Variants in FGF13 observed in about 807,000 individuals in gnomAD.
FGF13 encodes fibroblast growth factor homologous factor 2.
Under a neutral mutation model 19.5 loss-of-function variants are expected in FGF13, and 2 were observed. That is an observed-to-expected ratio of 0.10 (90% CI 0.04 to 0.32). The LOEUF is 0.32. FGF13 is among the 10% of genes least tolerant of loss of function. The pLI, the probability that FGF13 is intolerant of heterozygous loss-of-function variation, is 1.00. For synonymous variants in FGF13, 72 were observed against 76.9 expected, an observed-to-expected ratio of 0.94 and a Z score of 0.33; for missense variants, 113 against 192.7, an observed-to-expected ratio of 0.59 and a Z score of 2.45.
At chrX:138,901,686 G>A (rs1019866509) in intron 1 of FGF13, among the ~76,000 whole-genome samples, 1 of 111,552 alleles carries the variant, frequency 9.0e-6, no homozygotes, top group African/African-American at 3.3e-5. Context: ...AAGTACTGAG[G>A]TTGTTGGTGG....
In FGF13 at chrX:138,852,030, C is replaced by T. The variant is rs189411317; in HGVS notation, c.217+5482G>A. Among the ~76,000 whole-genome samples, 520 of 111,565 alleles carry T rather than the reference C, an allele frequency of 4.7e-3. 3 individuals carry two copies. Among genetic ancestry groups the T allele is most frequent in the African/African-American group, 0.016 (479 of 30,704 alleles). On this transcript the variant is annotated intron_variant, in intron 3 of 6. Coordinates refer to the FGF13 transcript ENST00000436198. ...TAACAAGGGAAGTGAAACACCTCTT[C>T]AAGGGAACTATAAACCACTGCTCAA...
intron 3 of FGF13, among the ~76,000 whole-genome samples, chrX:138,759,783 C>G (rs1230802659): frequency 8.9e-6 from 1 of 112,029 alleles, no homozygotes; most frequent in Non-Finnish European, 1.9e-5. Flanking sequence ...AGCTCCTCAT[C>G]TGTAACTTGG....
At chrX:139,197,724 G>T (rs1228946420) in intron 1 of FGF13, among the ~76,000 whole-genome samples, 2 of 111,785 alleles carry the variant, frequency 1.8e-5, no homozygotes, top group Non-Finnish European at 3.8e-5. Flanking sequence ...AGGTGCAGTG[G>T]CTCACGCCTG....
At chrX:138,773,447 C>T (rs2090564034) in intron 3 of FGF13, among the ~76,000 whole-genome samples, 1 of 112,200 alleles carries the variant, frequency 8.9e-6, no homozygotes, top group Non-Finnish European at 1.9e-5. Context: ...ATTATTCCCA[C>T]TTGGACGTTT....
intron 3 of FGF13, among the ~76,000 whole-genome samples, chrX:138,746,890 G>A (rs2090360307): frequency 8.9e-6 from 1 of 112,020 alleles, no homozygotes; most frequent in Non-Finnish European, 1.9e-5. Flanking sequence ...TTTGTAAGAT[G>A]GCTAGTATGC....
chrX:139,059,284 A>T (rs1212797282), intron 1 of FGF13, among the ~76,000 whole-genome samples: 1 of 110,995 alleles, frequency 9.0e-6, no homozygotes. Context: ...TCGTCCTTTT[A>T]ATCTAGAAAC....
chrX:138,669,804 C>T (rs754145773), intron 3 of FGF13, among the ~76,000 whole-genome samples: 19 of 111,374 alleles, frequency 1.7e-4, no homozygotes, highest in African/African-American at 2.6e-4. Context: ...TCTTCTAAGA[C>T]GTTTCCAGGT....
chrX:139,006,868 G>A lies in FGF13; in HGVS notation c.-112-142218C>T, dbSNP rs2092103681. Among the ~76,000 whole-genome samples, 3 of 111,247 alleles carry A rather than the reference G, an allele frequency of 2.7e-5. No homozygotes were observed. In the South Asian group the frequency reaches 1.1e-3, roughly 42 times the overall value. ...CAAATCCATGAAAATTAAAAAGCAAGAAATTAAGTCATATTACTAGAGAAA... is the reference window on the plus strand; with the variant it reads ...CAAATCCATGAAAATTAAAAAGCAAAAAATTAAGTCATATTACTAGAGAAA... On this transcript the variant is annotated intron_variant, in intron 1 of 2. Transcript: ENST00000421460.
intron 1 of FGF13, among the ~76,000 whole-genome samples, chrX:139,173,954 C>G (rs1421012181): frequency 8.9e-6 from 1 of 111,988 alleles, no homozygotes; most frequent in African/African-American, 3.3e-5. Context: ...ATTTCTGGTT[C>G]TAGATCCTTG....
At chrX:138,865,615 C>T (rs1203274331) in intron 1 of FGF13, among the ~76,000 whole-genome samples, 2 of 110,099 alleles carry the variant, frequency 1.8e-5, no homozygotes, top group East Asian at 2.9e-4. Flanking sequence ...GCGCTGTTCA[C>T]TGTGTAAAAT....
At chrX:138,689,605 G>A (rs1260971513) in intron 3 of FGF13, among the ~76,000 whole-genome samples, 1 of 112,313 alleles carries the variant, frequency 8.9e-6, no homozygotes, top group Non-Finnish European at 1.9e-5. Context: ...AAAAAGATGA[G>A]TTATAGAGAA....
At position 138,955,497 on chromosome X, in the gene FGF13, A is replaced by T. The variant is rs137994126; in HGVS notation, c.-112-90847T>A. Among the ~76,000 whole-genome samples, 356 of 111,925 alleles carry T rather than the reference A, an allele frequency of 3.2e-3. 1 individual carries two copies. Among genetic ancestry groups the T allele is most frequent in the African/African-American group, 0.011 (332 of 30,790 alleles). ...GGTATTATTTTCTCCAATTTGATTG[A>T]TGAAAGCATGGAGGCCCAACAAGAA... On this transcript the variant is annotated intron_variant, in intron 1 of 2. Transcript: ENST00000421460.
intron 3 of FGF13, among the ~76,000 whole-genome samples, chrX:138,768,539 A>G: frequency 9.1e-6 from 1 of 109,341 alleles, no homozygotes. Flanking sequence ...ACTCTTTTGT[A>G]TGTATGTTAT....
intron 1 of FGF13, among the ~76,000 whole-genome samples, chrX:139,090,846 G>A (rs1049142903): frequency 9.4e-6 from 1 of 106,695 alleles, no homozygotes; most frequent in Non-Finnish European, 1.9e-5. Context: ...GGGAAGTGAG[G>A]CAGCAGGATT....
At chrX:138,784,682 GA>G (rs1408803976) in intron 3 of FGF13, among the ~76,000 whole-genome samples, 1 of 111,094 alleles carries the variant, frequency 9.0e-6, no homozygotes, top group Non-Finnish European at 1.9e-5. Flanking sequence ...ATTTTAGCAA[GA>G]CCTGCAAGGT....
At chrX:138,882,260 T>G (rs968671818) in intron 1 of FGF13, among the ~76,000 whole-genome samples, 3 of 111,291 alleles carry the variant, frequency 2.7e-5, no homozygotes, top group Non-Finnish European at 5.7e-5. Flanking sequence ...GACTTAGATC[T>G]TTTTTAAACT....
downstream of FGF13, among the ~76,000 whole-genome samples, chrX:138,855,352 T>C (rs2091251352): frequency 8.9e-6 from 1 of 112,209 alleles, no homozygotes; most frequent in African/African-American, 3.2e-5. Context: ...AAGGTCTGAG[T>C]TCATCATTAG....
intron 1 of FGF13, among the ~76,000 whole-genome samples, chrX:138,733,035 T>C (rs756731380): frequency 2.7e-5 from 3 of 111,972 alleles, no homozygotes; most frequent in African/African-American, 6.5e-5. Context: ...CAGCCCAGAA[T>C]ACAGAATTTT....
intron 1 of FGF13, among the ~76,000 whole-genome samples, chrX:139,071,271 C>A (rs1181019428): frequency 9.0e-6 from 1 of 111,520 alleles, no homozygotes; most frequent in Non-Finnish European, 1.9e-5. Flanking sequence ...CTCTGTCTAC[C>A]ATTTTATTGA....
Sources: gnomAD v4.1 joint callset for allele counts (sites outside exome capture counted in the v4.1 genomes callset) on GRCh38, gnomAD v4.1.1 for gene constraint, MANE v1.5 for transcripts, NCBI Gene and HGNC (gene_info 2026-07-23, HGNC 2026-07-21) for gene names.